Variants in TAFA1 observed in about 807,000 individuals in gnomAD.
The protein encoded by TAFA1 is chemokine-like protein TAFA-1.
TAFA1 carries 4 observed loss-of-function variants against 18.5 expected under a neutral mutation model. That is an observed-to-expected ratio of 0.22 (90% CI 0.11 to 0.49). The LOEUF (loss-of-function observed/expected upper bound fraction) is 0.49. Ranked by LOEUF, TAFA1 falls within the 20% of genes least tolerant of loss-of-function variation. The pLI, the probability that TAFA1 is intolerant of heterozygous loss-of-function variation, is 0.98. For missense variants in TAFA1, 147 were observed against 169.0 expected, an observed-to-expected ratio of 0.87 and a Z score of 0.72; for synonymous variants, 56 against 55.2, an observed-to-expected ratio of 1.01 and a Z score of -0.06.
At chr3:68,247,733 C>T (rs1367367014) in intron 2 of TAFA1, 1 of 152,194 alleles carries the variant, frequency 6.6e-6, no homozygotes, top group Non-Finnish European at 1.5e-5. Context: ...TTTAAAACAG[C>T]AACACGATTC....
intron 3 of TAFA1, among the ~76,000 whole-genome samples, chr3:68,444,772 A>ATG (rs2071446713): frequency 1.4e-3 from 1 of 718 alleles, no homozygotes; most frequent in Admixed American, 0.013. Context: ...TTTCTACAAA[A>ATG]TATATATATA....
intron 2 of TAFA1, among the ~76,000 whole-genome samples, chr3:68,128,226 T>C (rs2065493833): frequency 6.6e-6 from 1 of 152,130 alleles, no homozygotes; most frequent in African/African-American, 2.4e-5. Flanking sequence ...ATGTAGTCTT[T>C]ATACTAATCT....
chr3:68,379,681 AG>A (rs1314354089), intron 2 of TAFA1, among the ~76,000 whole-genome samples: 4 of 148,546 alleles, frequency 2.7e-5, no homozygotes, highest in Non-Finnish European at 6.0e-5. Context: ...GGGTTTTTAC[AG>A]TTTGGGTTTT....
At chr3:68,112,537 T>C (rs2106839704) in intron 2 of TAFA1, among the ~76,000 whole-genome samples, 1 of 152,266 alleles carries the variant, frequency 6.6e-6, no homozygotes, top group Admixed American at 6.5e-5. Flanking sequence ...AATGGTTAAA[T>C]ATTGACCCCC....
intron 3 of TAFA1, among the ~76,000 whole-genome samples, chr3:68,443,841 C>A (rs1234803847): frequency 6.6e-6 from 1 of 152,132 alleles, no homozygotes; most frequent in Admixed American, 6.5e-5. Flanking sequence ...TTCCTATAAA[C>A]CACAACATGA....
chr3:68,445,863 A>G (rs1157833034), intron 3 of TAFA1, among the ~76,000 whole-genome samples: 1 of 152,140 alleles, frequency 6.6e-6, no homozygotes, highest in African/African-American at 2.4e-5. Flanking sequence ...TGCATACCCT[A>G]TCTGGCCTAA....
intron 2 of TAFA1, among the ~76,000 whole-genome samples, chr3:68,130,276 T>C (rs1033055267): frequency 6.6e-6 from 1 of 152,342 alleles, no homozygotes; most frequent in African/African-American, 2.4e-5. Context: ...ATTAACTTTT[T>C]AATTATTTAA....
chr3:68,476,443 G>C (rs893707999), intron 3 of TAFA1, among the ~76,000 whole-genome samples: 4 of 152,066 alleles, frequency 2.6e-5, no homozygotes, highest in African/African-American at 7.2e-5. Context: ...ATGACATTGG[G>C]GATTTTGAGG....
chr3:68,196,732 TA>T (rs35353654), intron 2 of TAFA1, among the ~76,000 whole-genome samples: 164 of 151,866 alleles, frequency 1.1e-3, no homozygotes, highest in African/African-American at 3.8e-3. Flanking sequence ...GCTCTTTCAC[TA>T]TGCAGAAAGA....
chr3:68,504,507 A>T (rs1338594515), intron 3 of TAFA1, among the ~76,000 whole-genome samples: 1 of 152,170 alleles, frequency 6.6e-6, no homozygotes. Context: ...CTGGAGCTTT[A>T]AATTGATTTG....
In TAFA1 at chr3:68,098,897, C is replaced by A. The variant is rs1424350313; in HGVS notation, c.118+92153C>A. On this transcript the variant is annotated intron_variant, in intron 2 of 4. Coordinates refer to ENST00000478136, the MANE Select transcript of TAFA1 (RefSeq NM_213609.4). The stretch of plus-strand genomic sequence containing the variant: ...TTCAACAAAGCAGACAAAAATAAGC[C>A]CTGGAGAAAATGACTGCCTATTCAA... Among the ~76,000 whole-genome samples, 5 of 152,020 alleles carry A rather than the reference C, an allele frequency of 3.3e-5. No homozygotes were observed. In the East Asian group the frequency reaches 7.7e-4, roughly 24 times the overall value.
In TAFA1 at chr3:68,033,529, A is replaced by G. The variant is rs143564077; in HGVS notation, c.118+26785A>G. On this transcript the variant is annotated intron_variant, in intron 2 of 4. Coordinates refer to ENST00000478136, the MANE Select transcript of TAFA1 (RefSeq NM_213609.4). Reference sequence around the variant, plus strand: ...AGACATTTATCGTTTAAACAAGAACATTCTCCATCCAATTTCAATGCCTCC... The same window carrying G: ...AGACATTTATCGTTTAAACAAGAACGTTCTCCATCCAATTTCAATGCCTCC... 2.4e-3 allele frequency among the ~76,000 whole-genome samples: 369 copies of G among 152,312 alleles called. 1 individual carries two copies. The highest frequency in any genetic ancestry group is 8.4e-3 in the African/African-American group (351 of 41,578).
intron 3 of TAFA1, among the ~76,000 whole-genome samples, chr3:68,515,168 T>C (rs935202728): frequency 1.3e-5 from 2 of 152,070 alleles, no homozygotes; most frequent in African/African-American, 2.4e-5. Context: ...GTCAGGGCTG[T>C]AGGATTTTTT....
intron 2 of TAFA1, among the ~76,000 whole-genome samples, chr3:68,061,206 T>C (rs979290972): frequency 6.6e-6 from 1 of 152,236 alleles, no homozygotes; most frequent in Non-Finnish European, 1.5e-5. Context: ...ATGCAGACGG[T>C]ATATATCAGC....
chr3:68,332,729 C>G (rs1441809753), intron 2 of TAFA1, among the ~76,000 whole-genome samples: 1 of 152,158 alleles, frequency 6.6e-6, no homozygotes, highest in African/African-American at 2.4e-5. Flanking sequence ...CCTCACACCT[C>G]TTAGAATGGC....
At chr3:68,190,596 T>C (rs1014184813) in intron 2 of TAFA1, among the ~76,000 whole-genome samples, 3 of 151,850 alleles carry the variant, frequency 2.0e-5, no homozygotes, top group African/African-American at 7.2e-5. Context: ...TTTTGCTCTG[T>C]GTCAGTGGGA....
Position 68,254,747 on chromosome 3 carries a change from A to T in TAFA1, c.119-162533A>T, listed in dbSNP as rs190951046. On this transcript the variant is annotated intron_variant, in intron 2 of 4. Coordinates refer to ENST00000478136, the MANE Select transcript of TAFA1 (RefSeq NM_213609.4). ...ATTAAGTCCCAGTTCTCTGAAAGTG[A>T]CCTTCTAGGATGTTCATGTCTGACT... is the stretch of plus-strand genomic sequence containing the variant. 1.3e-3 allele frequency among the ~76,000 whole-genome samples: 196 copies of T among 152,166 alleles called. 3 individuals carry two copies. Among genetic ancestry groups the T allele is most frequent in the Non-Finnish European group, 4.3e-4 (29 of 67,958 alleles).
chr3:68,137,247 T>A (rs2065620023), intron 2 of TAFA1, among the ~76,000 whole-genome samples: 1 of 152,238 alleles, frequency 6.6e-6, no homozygotes, highest in South Asian at 2.1e-4. Context: ...GTCCTGCTTT[T>A]TTTTTTTCTT....
intron 2 of TAFA1, among the ~76,000 whole-genome samples, chr3:68,228,132 T>C (rs12490102): frequency 0.11 from 17,441 of 152,228 alleles, 1,201 homozygotes; most frequent in Admixed American, 0.21. Context: ...TACTTACTCA[T>C]TGAGTTATCA....
Sources: gnomAD v4.1 joint callset for allele counts (sites outside exome capture counted in the v4.1 genomes callset) on GRCh38, gnomAD v4.1.1 for gene constraint, MANE v1.5 for transcripts, NCBI Gene and HGNC (gene_info 2026-07-23, HGNC 2026-07-21) for gene names.